Variants in NAALAD2 observed in about 807,000 individuals in gnomAD.
The protein encoded by NAALAD2 is N-acetylated-alpha-linked acidic dipeptidase 2.
In NAALAD2, 89 loss-of-function variants were observed where a neutral mutation model predicts 95.6. That is an observed-to-expected ratio of 0.93 (90% CI 0.78 to 1.11). NAALAD2 has a LOEUF of 1.11. Among genes scored for constraint, NAALAD2 ranks in the 50% least tolerant of loss-of-function variants. The pLI, the probability that NAALAD2 is intolerant of heterozygous loss-of-function variation, is 0.00. For synonymous variants in NAALAD2, 264 were observed against 294.4 expected (o/e 0.90, Z 1.06); for missense variants, 894 against 872.4 (o/e 1.02, Z -0.31).
chr11:90,148,635 C>A (rs1951810026), intron 3 of NAALAD2, among the ~76,000 whole-genome samples: 1 of 151,792 alleles, frequency 6.6e-6, no homozygotes, highest in Non-Finnish European at 1.5e-5. Flanking sequence ...CAGAGGCAAG[C>A]AATGGGCTGG....
chr11:90,158,311 A>G (rs1490453461), intron 7 of NAALAD2, 73 bp downstream of exon 7: 1 of 1,074,054 alleles, frequency 9.3e-7, no homozygotes, highest in Admixed American at 1.9e-5. Flanking sequence ...GAAAACCAAT[A>G]TGGCATTCTT....
At chr11:90,167,266 CG>C (rs1952490546) in intron 11 of NAALAD2, among the ~76,000 whole-genome samples, 1 of 152,164 alleles carries the variant, frequency 6.6e-6, no homozygotes, top group Non-Finnish European at 1.5e-5. Context: ...GTGGGCTCAG[CG>C]GGCCCGCCCT....
Position 90,134,776 on chromosome 11 carries a change from C to T in NAALAD2, c.18C>T (p.Gly6=). 6.2e-7 allele frequency: 1 copy of T among 1,614,042 alleles called. No individual in the cohort carries two copies. The highest frequency in any genetic ancestry group is 1.3e-5 in the African/African-American group (1 of 75,036). ...AAGAAGCCATGGCGGAATCCAGGGG[C>T]CGTCTGTACCTTTGGATGTGCTTGG... The part of the protein sequence containing the change: MAESR[G]RLYLWMCLAA... The change falls in exon 1 of 19, where the codon GGC becomes GGT. Residue 6 remains glycine (G), a synonymous_variant. Coordinates refer to ENST00000534061, the MANE Select transcript of NAALAD2 (RefSeq NM_005467.4).
chr11:90,170,149 ATG>A lies in NAALAD2; in HGVS notation c.1410+17_1410+18del, dbSNP rs1460882801. On this transcript the variant is annotated intron_variant, in intron 13 of 18. Coordinates refer to ENST00000534061, the MANE Select transcript of NAALAD2 (RefSeq NM_005467.4). ...ACTGACAAAAGAGGTATATAAGGAAATGTGTCTTCATATGTTCTCTTTTGAAT... is the reference window on the plus strand; with the variant it reads ...ACTGACAAAAGAGGTATATAAGGAAATGTCTTCATATGTTCTCTTTTGAAT... 4.1e-6 allele frequency: 6 copies of A among 1,466,780 alleles called. No homozygotes were observed. The highest frequency in any genetic ancestry group is 2.8e-5 in the African/African-American group (2 of 72,020). The allele number at this position is 1,466,780 out of a possible 1,614,324, so 90.9% of individuals were successfully genotyped here.
intron 2 of NAALAD2, among the ~76,000 whole-genome samples, chr11:90,143,855 T>C (rs986247742): frequency 6.6e-5 from 10 of 152,326 alleles, no homozygotes; most frequent in African/African-American, 2.4e-4. Flanking sequence ...AACCTCACCA[T>C]AAGTTGAGTA....
chr11:90,183,449 T>C (rs1366124293), intron 18 of NAALAD2, among the ~76,000 whole-genome samples: 1 of 152,220 alleles, frequency 6.6e-6, no homozygotes, highest in Non-Finnish European at 1.5e-5. Context: ...TCATAAAGAT[T>C]TAACATCTAT....
At position 90,134,673 on chromosome 11, in the gene NAALAD2, GC is replaced by G; in HGVS notation, c.-84del. ...CAGCGGAGGCCACCCAGAGCTCACA[GC>G]CTCCTGCCAGCGCGCTCTCTGTTTC... On this transcript the variant is annotated 5_prime_UTR_variant, in exon 1 of 19. Transcript: ENST00000534061. 2 of 1,367,638 alleles carry G rather than the reference GC, an allele frequency of 1.5e-6. No homozygotes were observed. The highest frequency in any genetic ancestry group is 2.1e-6 in the Non-Finnish European group (2 of 962,764). The allele number at this position is 1,367,638 out of a possible 1,614,324, so 84.7% of individuals were successfully genotyped here. A position where few individuals can be genotyped will look rare whatever the true frequency, so the allele number is the denominator to read the frequency against.
At chr11:90,188,428 C>A (rs989096102) in intron 18 of NAALAD2, among the ~76,000 whole-genome samples, 3 of 152,080 alleles carry the variant, frequency 2.0e-5, no homozygotes, top group Non-Finnish European at 4.4e-5. Context: ...TATCAAAATA[C>A]CTGAGACTGG....
At chr11:90,169,224 TTTTAA>T (rs1031083505) in intron 12 of NAALAD2, 25 of 361,400 alleles carry the variant, frequency 6.9e-5, no homozygotes, top group African/African-American at 4.9e-4. Flanking sequence ...AAGCTATTGC[TTTTAA>T]TTTCTTTGAT....
chr11:90,159,658 A>T (rs1952228734), intron 8 of NAALAD2, among the ~76,000 whole-genome samples: 2 of 152,128 alleles, frequency 1.3e-5, no homozygotes, highest in South Asian at 4.1e-4. Flanking sequence ...CATGTGAAAA[A>T]CTAGGTGAAG....
Position 90,170,488 on chromosome 11 carries a change from T to C in NAALAD2, c.1410+352T>C, listed in dbSNP as rs548104660. Among the ~76,000 whole-genome samples the C allele has an allele frequency of 5.9e-5, 9 of 152,328 alleles. No homozygotes were observed. The South Asian group carries it at 1.7e-3, about 28-fold the overall frequency. The stretch of plus-strand genomic sequence containing the variant: ...TACTCATTCATTCATTCAACAAATA[T>C]TCACTGAGTGGTCACTATATGTCAG... On this transcript the variant is annotated intron_variant, in intron 13 of 18. Transcript: ENST00000534061.
Position 90,163,516 on chromosome 11 carries a change from G to C in NAALAD2, c.1196-19G>C. 1.9e-6 allele frequency: 3 copies of C among 1,613,570 alleles called. No individual in the cohort carries two copies. The highest frequency in any genetic ancestry group is 2.5e-6 in the Non-Finnish European group (3 of 1,179,776). ...TTTAGGCAGTTGTACCTAACCACGT[G>C]TGTTAACAATTCTTACAGGCTGGAG... On this transcript the variant is annotated intron_variant, in intron 10 of 18. Coordinates refer to ENST00000534061, the MANE Select transcript of NAALAD2 (RefSeq NM_005467.4).
At chr11:90,157,396 A>C (rs1952146279) in intron 6 of NAALAD2, among the ~76,000 whole-genome samples, 1 of 152,148 alleles carries the variant, frequency 6.6e-6, no homozygotes, top group Non-Finnish European at 1.5e-5. Flanking sequence ...AATACTTTTC[A>C]ATCTTCCTTG....
Position 90,177,867 on chromosome 11 carries a change from C to T in NAALAD2, c.1608C>T (p.Tyr536=). 6.2e-7 allele frequency: 1 copy of T among 1,612,396 alleles called. No individual in the cohort carries two copies. Among genetic ancestry groups the T allele is most frequent in the South Asian group, 1.1e-5 (1 of 90,926 alleles). The change falls in exon 16 of 19, where the codon TAC becomes TAT. Residue 536 remains tyrosine (Y), a synonymous_variant. Coordinates refer to ENST00000534061, the MANE Select transcript of NAALAD2 (RefSeq NM_005467.4). ...TTTTTTTTCAGAAAACAGATAAGTA[C>T]AGCAGCTACCCAGTGTACCACACAA... ...RYTKNKKTDK[Y]SSYPVYHTIY...
At chr11:90,186,561 C>G (rs571093622) in intron 18 of NAALAD2, among the ~76,000 whole-genome samples, 1 of 152,222 alleles carries the variant, frequency 6.6e-6, no homozygotes, top group African/African-American at 2.4e-5. Context: ...ATGGCTGGGT[C>G]AAATGGTATG....
chr11:90,165,637 C>T (rs1952419616), intron 11 of NAALAD2, among the ~76,000 whole-genome samples: 1 of 152,192 alleles, frequency 6.6e-6, no homozygotes, highest in South Asian at 2.1e-4. Context: ...TACATTTACA[C>T]TGCGAATTGT....
chr11:90,174,657 ATAT>A (rs1411051296), intron 14 of NAALAD2, among the ~76,000 whole-genome samples: 1 of 151,888 alleles, frequency 6.6e-6, no homozygotes, highest in Non-Finnish European at 1.5e-5. Context: ...ATTTATATAA[ATAT>A]TATTTTATTT....
chr11:90,165,009 C>T (rs1952396067), intron 11 of NAALAD2, among the ~76,000 whole-genome samples: 1 of 152,130 alleles, frequency 6.6e-6, no homozygotes, highest in Admixed American at 6.5e-5. Context: ...TGTGTTGTTC[C>T]CCTCTATGTG....
intron 16 of NAALAD2, among the ~76,000 whole-genome samples, chr11:90,180,942 A>G (rs1591024136): frequency 6.6e-6 from 1 of 152,254 alleles, no homozygotes; most frequent in South Asian, 2.1e-4. Flanking sequence ...GAGATGACTT[A>G]AAGTATAGGG....
Sources: gnomAD v4.1 joint callset for allele counts (sites outside exome capture counted in the v4.1 genomes callset) on GRCh38, gnomAD v4.1.1 for gene constraint, MANE v1.5 for transcripts, NCBI Gene and HGNC (gene_info 2026-07-23, HGNC 2026-07-21) for gene names.